The following SYNE1 variants were observed in gnomAD, a reference collection of about 807,000 sequenced individuals.
The protein encoded by SYNE1 is spectrin repeat containing nuclear envelope protein 1.
SYNE1 carries 616 observed loss-of-function variants against 1,111.0 expected under a neutral mutation model. The ratio of observed to expected loss-of-function variants is 0.55; its 90% CI spans 0.52 to 0.59. The LOEUF (loss-of-function observed/expected upper bound fraction) is 0.59. SYNE1 is among the 20% of genes least tolerant of loss of function. The probability of loss-of-function intolerance (pLI) is 0.00; values close to 1 mark genes in which losing one functional copy is unlikely to be tolerated. For synonymous variants in SYNE1, 3,855 were observed against 3,825.8 expected, an observed-to-expected ratio of 1.01 and a Z score of -0.28; for missense variants, 10,006 against 10,417.0, an observed-to-expected ratio of 0.96 and a Z score of 1.72.
At chr6:152,634,831 T>G (rs144515361) in intron 2 of SYNE1, among the ~76,000 whole-genome samples, 62 of 152,374 alleles carry the variant, frequency 4.1e-4, no homozygotes, top group African/African-American at 1.3e-3. Context: ...TTGCACACCT[T>G]GCCAAACATT....
At chr6:152,366,814 A>G (rs115287837) in intron 62 of SYNE1, among the ~76,000 whole-genome samples, 2,313 of 152,348 alleles carry the variant, frequency 0.015, 14 homozygotes, top group African/African-American at 0.022. Flanking sequence ...CACAAATGCG[A>G]AAATGAACTC....
At chr6:152,313,386 G>A (rs903945307) in intron 87 of SYNE1, among the ~76,000 whole-genome samples, 3 of 150,906 alleles carry the variant, frequency 2.0e-5, no homozygotes, top group African/African-American at 7.4e-5. Flanking sequence ...CATTTACCCA[G>A]CCCCTATTCA....
At chr6:152,462,351 C>A (rs925609389) in intron 20 of SYNE1, among the ~76,000 whole-genome samples, 2 of 152,092 alleles carry the variant, frequency 1.3e-5, no homozygotes, top group Admixed American at 1.3e-4. Context: ...ATTAAAAATT[C>A]TTCCACTACT....
At chr6:152,399,862 T>C in intron 47 of SYNE1, 39 bp from the exon 48 acceptor site, 1 of 1,584,222 alleles carries the variant, frequency 6.3e-7, no homozygotes, top group South Asian at 1.1e-5. Context: ...TATTCATAAC[T>C]TGAGAGAAAT....
At chr6:152,206,531 G>C (rs1587802678) in intron 125 of SYNE1, among the ~76,000 whole-genome samples, 169 bp from the exon 126 acceptor site, 1 of 152,238 alleles carries the variant, frequency 6.6e-6, no homozygotes, top group African/African-American at 2.4e-5. Flanking sequence ...GAATACAATG[G>C]AGACAGGCTT....
chr6:152,258,899 C>T (rs1245913277), intron 101 of SYNE1, among the ~76,000 whole-genome samples: 2 of 151,992 alleles, frequency 1.3e-5, no homozygotes, highest in Non-Finnish European at 2.9e-5. Flanking sequence ...TGTGCACCAC[C>T]ACATGAAGCT....
At chr6:152,300,539 C>A in intron 93 of SYNE1, 102 bp downstream of exon 93, 1 of 1,550,938 alleles carries the variant, frequency 6.4e-7, no homozygotes. Flanking sequence ...GAACCAAATG[C>A]AACAAAGTCT....
In SYNE1 at chr6:152,232,160, A is replaced by C. The variant is rs994877216; in HGVS notation, c.20818T>G (p.Ser6940Ala). The change falls in exon 113 of 146, where the codon TCC becomes GCC. Residue 6940 changes from serine to alanine, a missense_variant. Around this residue, in one of 7 missense-constraint regions of SYNE1, gnomAD observed 2,182 missense variants for 2,287.8 expected, o/e 0.95. Coordinates refer to ENST00000367255, the MANE Select transcript of SYNE1 (RefSeq NM_182961.4). Reference protein sequence around the residue: ...IQKDEDNIKNSIGYKAIHEYL... With the variant: ...IQKDEDNIKNAIGYKAIHEYL... Reference sequence around the variant, plus strand: ...TCATGAATTGCCTTGTAACCTATGGAATTTTTAATATTATCTTCATCCTTC... The same window carrying C: ...TCATGAATTGCCTTGTAACCTATGGCATTTTTAATATTATCTTCATCCTTC... The C allele has an allele frequency of 8.7e-6, 14 of 1,607,726 alleles. No individual in the cohort carries two copies. The highest frequency in any genetic ancestry group is 1.2e-5 in the Non-Finnish European group (14 of 1,174,326).
At chr6:152,280,175 A>C (rs933156278) in intron 97 of SYNE1, among the ~76,000 whole-genome samples, 3 of 152,214 alleles carry the variant, frequency 2.0e-5, no homozygotes, top group African/African-American at 7.2e-5. Context: ...GTGCAACTGA[A>C]TTCATATTAG....
chr6:152,140,256 G>A lies in SYNE1; in HGVS notation c.25247-95C>T. The A allele has an allele frequency of 2.4e-6, 3 of 1,245,258 alleles. No homozygotes were observed. In the African/African-American group the frequency reaches 4.4e-5, roughly 18 times the overall value. The allele number at this position is 1,245,258 out of a possible 1,614,324, so 77.1% of individuals were successfully genotyped here. The stretch of plus-strand genomic sequence containing the variant: ...ATAGGTTGGCAGCCAATTTTAAATA[G>A]CAACAGAAAGAAAAGTAATTCCACT... On this transcript the variant is annotated intron_variant, in intron 139 of 145. Transcript: ENST00000367255.
Position 152,373,142 on chromosome 6 carries a change from C to G in SYNE1, c.9402G>C (p.Leu3134=), listed in dbSNP as rs2097217018. The change falls in exon 59 of 146, where the codon CTG becomes CTC. Residue 3134 remains leucine (L), a synonymous_variant. Coordinates refer to ENST00000367255, the MANE Select transcript of SYNE1 (RefSeq NM_182961.4). ...MLSKGELLST[L]LTKEKAKGIQ... is the part of the protein sequence containing the mutation. ...TCCCTTTCGCTTTCTCTTTGGTCAG[C>G]AGGGTACTCAGAAGTTCCCCTTTAG... The G allele has an allele frequency of 6.2e-7, 1 of 1,613,958 alleles. No individual in the cohort carries two copies.
rs555635672 is a variant in SYNE1, at chr6:152,363,867, C to T, written c.10145+980G>A. Reference sequence around the variant, plus strand: ...GCCCTTGGATGGGATAACTGGGGCTCACACTGTATACCAGCTCCCAGCATT... The same window carrying T: ...GCCCTTGGATGGGATAACTGGGGCTTACACTGTATACCAGCTCCCAGCATT... On this transcript the variant is annotated intron_variant, in intron 63 of 145. Transcript: ENST00000367255. 1.8e-3 allele frequency: 791 copies of T among 428,564 alleles called. 15 individuals carry two copies. Among genetic ancestry groups the T allele is most frequent in the South Asian group, 0.013 (773 of 59,558 alleles). The allele number at this position is 428,564 out of a possible 1,614,324, so 26.5% of individuals were successfully genotyped here. A position where few individuals can be genotyped will look rare whatever the true frequency, so the allele number is the denominator to read the frequency against.
At chr6:152,475,940 C>T (rs1031024662) in intron 14 of SYNE1, among the ~76,000 whole-genome samples, 5 of 152,158 alleles carry the variant, frequency 3.3e-5, no homozygotes, top group Admixed American at 6.5e-5. Flanking sequence ...GTTTGCTTCC[C>T]GTGGCTTCTA....
intron 11 of SYNE1, among the ~76,000 whole-genome samples, chr6:152,491,062 T>C (rs1315888864): frequency 1.3e-5 from 2 of 152,146 alleles, no homozygotes; most frequent in Non-Finnish European, 2.9e-5. Context: ...TGGTGTTTAA[T>C]CACCGTGTGG....
chr6:152,404,559 A>G (rs2097865982), intron 45 of SYNE1, among the ~76,000 whole-genome samples: 1 of 44,326 alleles, frequency 2.3e-5, no homozygotes, highest in Admixed American at 1.6e-4. Context: ...TGTATTAGGA[A>G]AAAAAAACCT....
chr6:152,244,695 A>G (rs2086652126), intron 105 of SYNE1, 39 bp from the exon 106 acceptor site: 1 of 1,613,016 alleles, frequency 6.2e-7, no homozygotes, highest in Non-Finnish European at 8.5e-7. Context: ...AACTCCCATG[A>G]ACAATTTCCC....
chr6:152,132,609 G>A (rs1165694703), intron 143 of SYNE1, among the ~76,000 whole-genome samples: 1 of 152,326 alleles, frequency 6.6e-6, no homozygotes, highest in East Asian at 1.9e-4. Flanking sequence ...ACAAAAGATA[G>A]TCATCTAGGA....
rs141129008 is a variant in SYNE1 at position 152,576,825 on chromosome 6, A to T, written c.68-36804T>A. ...TAATCACATTTAGTCCGATTAGATT[A>T]AAGAAGAGTAGATCACCCTCAAAGC... On this transcript the variant is annotated intron_variant, in intron 3 of 145. Transcript: ENST00000367255. Among the ~76,000 whole-genome samples the T allele has an allele frequency of 2.8e-3, 420 of 152,340 alleles. 2 individuals carry two copies. Among genetic ancestry groups the T allele is most frequent in the African/African-American group, 9.2e-3 (383 of 41,574 alleles).
Position 152,164,441 on chromosome 6 carries a change from A to T in SYNE1, c.23628-116T>A, listed in dbSNP as rs2063200944. On this transcript the variant is annotated intron_variant, in intron 130 of 145. Transcript: ENST00000367255. ...TCTTTTTAGGCAGAGTTAGAAACTCATGTGGAAGAAGCCAAAGACAGAAGA... is the reference window on the plus strand; with the variant it reads ...TCTTTTTAGGCAGAGTTAGAAACTCTTGTGGAAGAAGCCAAAGACAGAAGA... 4.1e-6 allele frequency: 5 copies of T among 1,230,264 alleles called. No homozygotes were observed. In the South Asian group the frequency reaches 6.4e-5, roughly 16 times the overall value. 76.2% of individuals were successfully genotyped at this position (1,230,264 alleles called of 1,614,324 possible). A position where few individuals can be genotyped will look rare whatever the true frequency, so the allele number is the denominator to read the frequency against.
Sources: gnomAD v4.1 joint callset for allele counts (sites outside exome capture counted in the v4.1 genomes callset) on GRCh38, gnomAD v4.1.1 for gene constraint, gnomAD v4.1.1 regional missense constraint, MANE v1.5 for transcripts, NCBI Gene and HGNC (gene_info 2026-07-23, HGNC 2026-07-21) for gene names.